Variants in JAK1 observed in about 807,000 individuals in gnomAD.
JAK1 encodes the protein Janus kinase 1, also known as tyrosine-protein kinase JAK1.
In JAK1, 16 loss-of-function variants were observed where a neutral mutation model predicts 136.6. That is an observed-to-expected ratio of 0.12 (90% CI 0.08 to 0.18). JAK1 has a LOEUF of 0.18. JAK1 is among the 10% of genes least tolerant of loss of function. JAK1 has a pLI of 1.00. For synonymous variants in JAK1, 492 were observed against 519.5 expected (o/e 0.95, Z 0.72); for missense variants, 859 against 1,450.1 (o/e 0.59, Z 6.62).
intron 1 of JAK1, among the ~76,000 whole-genome samples, chr1:64,923,164 G>C (rs1228219142): frequency 6.6e-6 from 1 of 151,996 alleles, no homozygotes; most frequent in Non-Finnish European, 1.5e-5. Flanking sequence ...CCACCACCTA[G>C]CTCCATCAAT....
At chr1:64,851,633 C>T (rs149632777) in intron 11 of JAK1, among the ~76,000 whole-genome samples, 57 of 152,278 alleles carry the variant, frequency 3.7e-4, no homozygotes, top group Non-Finnish European at 6.5e-4. Context: ...CAACACATTA[C>T]AAAATCCTCG....
upstream of JAK1, among the ~76,000 whole-genome samples, chr1:64,969,445 C>T (rs1313048445): frequency 1.3e-5 from 2 of 150,602 alleles, no homozygotes; most frequent in Admixed American, 6.6e-5. Flanking sequence ...CCAGCTGTGA[C>T]TTCCAAAAAT....
At chr1:65,053,348 A>G (rs1346929679) in intron 1 of JAK1, among the ~76,000 whole-genome samples, 1 of 152,200 alleles carries the variant, frequency 6.6e-6, no homozygotes, top group Non-Finnish European at 1.5e-5. Flanking sequence ...CCGCCTCAAA[A>G]AAAACACAAA....
intron 1 of JAK1, among the ~76,000 whole-genome samples, chr1:64,904,039 T>C (rs1050749209): frequency 1.3e-5 from 2 of 152,224 alleles, no homozygotes; most frequent in Non-Finnish European, 2.9e-5. Context: ...AGGTATATAT[T>C]TGTTCAGTAA....
At chr1:64,835,009 C>G (rs944114652) in intron 24 of JAK1, among the ~76,000 whole-genome samples, 1 of 152,142 alleles carries the variant, frequency 6.6e-6, no homozygotes, top group South Asian at 2.1e-4. Flanking sequence ...TACACAGTCT[C>G]AAGAGTTTAG....
intron 1 of JAK1, among the ~76,000 whole-genome samples, chr1:65,060,930 T>C (rs976864705): frequency 6.6e-6 from 1 of 152,094 alleles, no homozygotes; most frequent in African/African-American, 2.4e-5. Flanking sequence ...TAAGAAAAAA[T>C]AACTGCATAC....
chr1:65,006,018 T>C (rs532751515), intron 2 of JAK1, among the ~76,000 whole-genome samples: 2 of 152,314 alleles, frequency 1.3e-5, no homozygotes, highest in African/African-American at 4.8e-5. Context: ...CAATTAAATG[T>C]TTCACTAACC....
intron 2 of JAK1, among the ~76,000 whole-genome samples, chr1:64,885,521 A>C (rs1014534419): frequency 1.3e-5 from 2 of 152,218 alleles, no homozygotes; most frequent in African/African-American, 4.8e-5. Flanking sequence ...TGGGAGGCCA[A>C]GGCGGGCGGA....
intron 15 of JAK1, 97 bp downstream of exon 15, chr1:64,845,416 G>C: frequency 7.2e-7 from 1 of 1,387,322 alleles, no homozygotes; most frequent in Non-Finnish European, 1.0e-6. Context: ...CCAAGGACAG[G>C]CCCCTCTAGC....
intron 4 of JAK1, among the ~76,000 whole-genome samples, chr1:64,874,905 T>C (rs888583200): frequency 6.6e-6 from 1 of 152,132 alleles, no homozygotes; most frequent in Non-Finnish European, 1.5e-5. Flanking sequence ...TGAGTTCCTG[T>C]CTCTGGGAGC....
At chr1:64,875,275 G>A (rs1185375752) in intron 4 of JAK1, among the ~76,000 whole-genome samples, 3 of 152,230 alleles carry the variant, frequency 2.0e-5, no homozygotes, top group South Asian at 2.1e-4. Flanking sequence ...CCAGGCTACA[G>A]AGCCTGGACC....
chr1:64,898,078 G>A (rs1010929899), intron 1 of JAK1, among the ~76,000 whole-genome samples: 5 of 152,144 alleles, frequency 3.3e-5, no homozygotes, highest in Non-Finnish European at 5.9e-5. Context: ...ATACAAAAAG[G>A]AAACTTCTTT....
At chr1:65,011,409 G>A (rs927785989) in intron 2 of JAK1, among the ~76,000 whole-genome samples, 7 of 152,052 alleles carry the variant, frequency 4.6e-5, no homozygotes, top group Admixed American at 6.6e-5. Flanking sequence ...CCGGAAGATC[G>A]AAGCTGTAGC....
rs756204590 is a variant in JAK1 at position 65,037,214 on chromosome 1, GAA to G, written c.-78+7264_-78+7265del. ...CAAAAAGAAAAAGAAAAACAATTGA[GAA>G]AAAAGCTATGCAAATATATCAAAAG... On this transcript the variant is annotated intron_variant, in intron 2 of 25. Coordinates refer to the JAK1 transcript ENST00000671954. 5.3e-5 allele frequency among the ~76,000 whole-genome samples: 8 copies of G among 152,214 alleles called. No individual in the cohort carries two copies. In the East Asian group the frequency reaches 9.7e-4, roughly 18 times the overall value.
chr1:64,873,340 T>TC (rs778622843), intron 5 of JAK1, 30 bp downstream of exon 5: 39 of 1,613,350 alleles, frequency 2.4e-5, no homozygotes, highest in Non-Finnish European at 3.2e-5. Flanking sequence ...TCCCACAAAC[T>TC]CCAGCTTCTC....
chr1:64,946,550 T>A (rs1164959919), intron 1 of JAK1, among the ~76,000 whole-genome samples: 1 of 152,220 alleles, frequency 6.6e-6, no homozygotes, highest in Non-Finnish European at 1.5e-5. Flanking sequence ...TGTTCTCTAA[T>A]GTTCTTTGTT....
chr1:64,921,561 A>G (rs765901580), intron 1 of JAK1, among the ~76,000 whole-genome samples: 13 of 152,134 alleles, frequency 8.5e-5, no homozygotes, highest in African/African-American at 3.1e-4. Context: ...CAGAGAATTT[A>G]AGTGCCTTGC....
rs530642002 is a variant in JAK1 at position 65,042,063 on chromosome 1, C to CA, written c.-78+2416dup. Among the ~76,000 whole-genome samples, 13 of 151,152 alleles carry CA rather than the reference C, an allele frequency of 8.6e-5. No homozygotes were observed. The South Asian group carries it at 2.3e-3, about 27-fold the overall frequency. On this transcript the variant is annotated intron_variant, in intron 2 of 25. Coordinates refer to the JAK1 transcript ENST00000671954. ...TGTCTCAAAACAAAACAAAACAAAA[C>CA]AAAAAAATCTGGAAAAGAAAAACAA... is the stretch of plus-strand genomic sequence containing the variant.
chr1:64,910,000 G>A (rs1345330468), intron 1 of JAK1, among the ~76,000 whole-genome samples: 1 of 152,184 alleles, frequency 6.6e-6, no homozygotes, highest in Non-Finnish European at 1.5e-5. Context: ...TGGTAGACCA[G>A]AGTATATTCT....
Sources: gnomAD v4.1 joint callset for allele counts (sites outside exome capture counted in the v4.1 genomes callset) on GRCh38, gnomAD v4.1.1 for gene constraint, MANE v1.5 for transcripts, NCBI Gene and HGNC (gene_info 2026-07-23, HGNC 2026-07-21) for gene names.